Variants in RNF17 observed in about 807,000 individuals in gnomAD.
RNF17 encodes the protein spermatogenesis associated 23.
In RNF17, 31 loss-of-function variants were observed where a neutral mutation model predicts 200.5. That is an observed-to-expected ratio of 0.15 (90% CI 0.12 to 0.21). The LOEUF (loss-of-function observed/expected upper bound fraction) is 0.21. RNF17 is among the 10% of genes least tolerant of loss of function. The probability of loss-of-function intolerance (pLI) is 1.00; values close to 1 mark genes in which losing one functional copy is unlikely to be tolerated. For missense variants in RNF17, 1,628 were observed against 1,905.1 expected (o/e 0.85, Z 2.71); for synonymous variants, 606 against 637.8 (o/e 0.95, Z 0.75).
At chr13:24,830,247 TCC>T (rs1185255988) in intron 16 of RNF17, among the ~76,000 whole-genome samples, 9 of 152,232 alleles carry the variant, frequency 5.9e-5, no homozygotes, top group African/African-American at 2.2e-4. Context: ...AATTTTGTTA[TCC>T]TGATTTTGGC....
chr13:24,771,873 G>A (rs1037304577), intron 2 of RNF17, among the ~76,000 whole-genome samples: 3 of 151,882 alleles, frequency 2.0e-5, no homozygotes, highest in East Asian at 1.9e-4. Flanking sequence ...GCATGGTGGC[G>A]CATGCCTGTA....
intron 22 of RNF17, among the ~76,000 whole-genome samples, chr13:24,847,423 G>A (rs1389489361): frequency 1.3e-5 from 2 of 150,178 alleles, no homozygotes; most frequent in Non-Finnish European, 3.0e-5. Flanking sequence ...TCAGCTCACC[G>A]CAACCTTTGC....
intron 15 of RNF17, chr13:24,824,344 G>T (rs1488916809): frequency 1.5e-5 from 8 of 536,378 alleles, no homozygotes; most frequent in Non-Finnish European, 2.7e-5. Flanking sequence ...ACCTGTTAAT[G>T]GAAGAATTTG....
chr13:24,768,098 GA>G (rs1472227172), intron 2 of RNF17, among the ~76,000 whole-genome samples: 1 of 152,076 alleles, frequency 6.6e-6, no homozygotes, highest in East Asian at 1.9e-4. Flanking sequence ...CAACAAGGTA[GA>G]GAAGCAAAAC....
intron 6 of RNF17, among the ~76,000 whole-genome samples, chr13:24,785,002 T>C (rs989740971): frequency 2.6e-5 from 4 of 152,168 alleles, no homozygotes; most frequent in African/African-American, 9.6e-5. Context: ...CCATCACGCC[T>C]GGCCTGATTC....
intron 25 of RNF17, among the ~76,000 whole-genome samples, chr13:24,856,390 A>AGC (rs1380740855): frequency 6.8e-6 from 1 of 147,474 alleles, no homozygotes; most frequent in East Asian, 2.0e-4. Flanking sequence ...ACTGCACTCC[A>AGC]GCCTGGGTGA....
At chr13:24,832,093 A>C (rs1889475982) in intron 18 of RNF17, 115 bp downstream of exon 18, 1 of 723,108 alleles carries the variant, frequency 1.4e-6, no homozygotes, top group Admixed American at 3.2e-5. Flanking sequence ...GTGGTGAGAG[A>C]TAAGATTTGT....
intron 2 of RNF17, among the ~76,000 whole-genome samples, chr13:24,772,426 A>ATTTTTTTT (rs34066913): frequency 8.4e-4 from 89 of 105,968 alleles, no homozygotes; most frequent in Non-Finnish European, 1.1e-3. Context: ...TTGAGTCTCC[A>ATTTTTTTT]TTTTTTTTTT....
At chr13:24,754,434 C>A in the RNF17 span, among the ~76,000 whole-genome samples, 5 of 152,270 alleles carry the variant, frequency 3.3e-5, no homozygotes, top group South Asian at 1.0e-3. Context: ...CTGCATCTCT[C>A]TGTGCTTCTG....
intron 18 of RNF17, among the ~76,000 whole-genome samples, chr13:24,837,477 A>T (rs1380073282): frequency 6.6e-6 from 1 of 152,192 alleles, no homozygotes; most frequent in East Asian, 1.9e-4. Flanking sequence ...AATTTAAGAA[A>T]ATTGAAATTA....
chr13:24,879,095 C>T (rs979402421), intron 34 of RNF17, 92 bp from the exon 35 acceptor site: 2 of 893,494 alleles, frequency 2.2e-6, no homozygotes, highest in African/African-American at 3.3e-5. Context: ...CCTGAGAACA[C>T]CTTTTCACAC....
At chr13:24,751,140 T>C in the RNF17 span, 1 of 152,272 alleles carries the variant, frequency 6.6e-6, no homozygotes, top group South Asian at 2.1e-4. Flanking sequence ...TGTTCGCTTT[T>C]TGACCTTTTT....
At chr13:24,883,824 C>T, downstream of RNF17, 1 of 908,000 alleles carries the variant, frequency 1.1e-6, no homozygotes, top group Non-Finnish European at 1.8e-6. Flanking sequence ...ACTGACATGC[C>T]TGTGGGACAT....
intron 25 of RNF17, among the ~76,000 whole-genome samples, chr13:24,855,426 G>C (rs746353175): frequency 3.3e-5 from 5 of 151,906 alleles, no homozygotes; most frequent in Non-Finnish European, 5.9e-5. Flanking sequence ...TCAGGAGTTT[G>C]AGACCAGCCT....
At chr13:24,767,702 T>C (rs564310880) in intron 2 of RNF17, among the ~76,000 whole-genome samples, 156 of 147,816 alleles carry the variant, frequency 1.1e-3, no homozygotes, top group Non-Finnish European at 1.5e-3. Context: ...GAGCCAAGAT[T>C]GCACCACTGC....
intron 4 of RNF17, among the ~76,000 whole-genome samples, chr13:24,779,069 C>T (rs1219741660): frequency 1.3e-5 from 2 of 152,062 alleles, no homozygotes; most frequent in Admixed American, 6.5e-5. Flanking sequence ...TGGTCGTGCA[C>T]ACCTGTAATT....
intron 18 of RNF17, among the ~76,000 whole-genome samples, chr13:24,841,790 C>G (rs1890663480): frequency 6.6e-6 from 1 of 152,046 alleles, no homozygotes; most frequent in Non-Finnish European, 1.5e-5. Flanking sequence ...GAAACCCCGT[C>G]TCTACTAAAA....
the RNF17 span, among the ~76,000 whole-genome samples, chr13:24,754,684 G>A: frequency 6.6e-6 from 1 of 152,030 alleles, no homozygotes; most frequent in Non-Finnish European, 1.5e-5. Context: ...TGAGACCAGG[G>A]TTTGAGACTA....
At chr13:24,806,308 G>C (rs547293884) in intron 15 of RNF17, among the ~76,000 whole-genome samples, 9 of 152,266 alleles carry the variant, frequency 5.9e-5, no homozygotes, top group African/African-American at 1.9e-4. Context: ...ATTGTGAATA[G>C]TGCTGCAATA....
Sources: allele counts gnomAD v4.1 joint callset (sites outside exome capture counted in the v4.1 genomes callset), GRCh38; gene constraint gnomAD v4.1.1; transcripts MANE v1.5; gene names NCBI Gene and HGNC (gene_info 2026-07-23, HGNC 2026-07-21).